The following MEIS2 variants were observed in gnomAD, a reference collection of about 807,000 sequenced individuals.
The protein encoded by MEIS2 is homeobox protein Meis2.
In MEIS2, 9 loss-of-function variants were observed where a neutral mutation model predicts 58.6. The observed-to-expected ratio is 0.15, with a 90% CI of 0.09 to 0.27. MEIS2 has a LOEUF of 0.27. Among genes scored for constraint, MEIS2 ranks in the 10% least tolerant of loss-of-function variants. The pLI, the probability that MEIS2 is intolerant of heterozygous loss-of-function variation, is 1.00. For synonymous variants in MEIS2, 221 were observed against 228.4 expected (o/e 0.97, Z 0.29); for missense variants, 427 against 635.0 (o/e 0.67, Z 3.52).
chr15:37,090,685 A>C (rs1438464677), intron 6 of MEIS2, among the ~76,000 whole-genome samples: 1 of 152,078 alleles, frequency 6.6e-6, no homozygotes, highest in African/African-American at 2.4e-5. Flanking sequence ...GTATGCACAC[A>C]CACACACAAT....
At chr15:36,892,528 A>T in intron 11 of MEIS2, 69 bp from the exon 12 acceptor site, 24 of 970,092 alleles carry the variant, frequency 2.5e-5, no homozygotes, top group Non-Finnish European at 3.2e-5. Flanking sequence ...CCCATCAAAG[A>T]TGAAAAGAAA....
At position 37,083,783 on chromosome 15, in the gene MEIS2, T is replaced by C. The variant is rs376747133; in HGVS notation, c.742A>G (p.Ser248Gly). The change falls in exon 7 of 12, where the codon AGC becomes GGC. Residue 248 changes from serine to glycine, a missense_variant. Transcript: ENST00000561208. ...GGHASQSGDN[S>G]SEQGDGLDNS... is the part of the protein sequence containing the mutation. ...TTTGACCTTTTACCTTGCTCACTGC[T>C]GTTGTCTCCGCTCTGGGAAGCATGG... 8.1e-6 allele frequency: 13 copies of C among 1,613,756 alleles called. No homozygotes were observed. The African/African-American group carries it at 1.6e-4, about 20-fold the overall frequency.
At chr15:36,930,009 C>G (rs986678259) in intron 9 of MEIS2, among the ~76,000 whole-genome samples, 1 of 151,830 alleles carries the variant, frequency 6.6e-6, no homozygotes, top group Non-Finnish European at 1.5e-5. Context: ...TCGAGACCAG[C>G]CTGGCCAACA....
At chr15:36,946,414 G>T (rs186197195) in intron 9 of MEIS2, among the ~76,000 whole-genome samples, 186 of 110,394 alleles carry the variant, frequency 1.7e-3, no homozygotes, top group Admixed American at 7.4e-3. Context: ...TGCCATCAAA[G>T]AACTGTAGAA....
intron 9 of MEIS2, among the ~76,000 whole-genome samples, chr15:36,921,216 T>C (rs1388520438): frequency 6.6e-6 from 1 of 152,126 alleles, no homozygotes; most frequent in Non-Finnish European, 1.5e-5. Flanking sequence ...GTGATGCCTG[T>C]GAAATATGTA....
chr15:37,041,042 T>C (rs2062401302), intron 7 of MEIS2, among the ~76,000 whole-genome samples: 1 of 152,206 alleles, frequency 6.6e-6, no homozygotes, highest in Admixed American at 6.5e-5. Flanking sequence ...TGAATGAGGT[T>C]AGCAGCCACA....
chr15:37,016,196 A>G (rs2061344858), intron 8 of MEIS2, among the ~76,000 whole-genome samples: 1 of 152,206 alleles, frequency 6.6e-6, no homozygotes, highest in African/African-American at 2.4e-5. Context: ...TAGCAGCCTC[A>G]TGTTCAGTTT....
chr15:37,025,801 A>T (rs769340279), intron 8 of MEIS2, among the ~76,000 whole-genome samples: 17 of 152,142 alleles, frequency 1.1e-4, no homozygotes, highest in Non-Finnish European at 2.2e-4. Context: ...CAGACTGACA[A>T]CAAAGGTCAT....
At chr15:36,952,220 T>G (rs916020802) in intron 8 of MEIS2, among the ~76,000 whole-genome samples, 1 of 152,090 alleles carries the variant, frequency 6.6e-6, no homozygotes, top group Non-Finnish European at 1.5e-5. Context: ...CAAATTTTAA[T>G]GGACTGAAAA....
At chr15:36,929,427 C>T (rs994304614) in intron 9 of MEIS2, among the ~76,000 whole-genome samples, 1 of 152,156 alleles carries the variant, frequency 6.6e-6, no homozygotes, top group Non-Finnish European at 1.5e-5. Flanking sequence ...ATTTTCTCCC[C>T]CAACTGTATG....
intron 8 of MEIS2, among the ~76,000 whole-genome samples, chr15:36,984,567 T>A (rs1453184727): frequency 6.6e-6 from 1 of 152,138 alleles, no homozygotes; most frequent in East Asian, 1.9e-4. Flanking sequence ...TGCAATTTCC[T>A]TGTCTGGCTT....
At chr15:36,933,424 T>C (rs778613234) in intron 9 of MEIS2, among the ~76,000 whole-genome samples, 5 of 152,134 alleles carry the variant, frequency 3.3e-5, no homozygotes, top group Non-Finnish European at 7.4e-5. Context: ...ATCTACATCA[T>C]GGAATTTTAA....
chr15:37,009,458 T>G (rs990577117), intron 8 of MEIS2, among the ~76,000 whole-genome samples: 1 of 152,216 alleles, frequency 6.6e-6, no homozygotes, highest in Non-Finnish European at 1.5e-5. Flanking sequence ...ATTTGTCCTG[T>G]TAAGCTGAAG....
intron 8 of MEIS2, among the ~76,000 whole-genome samples, chr15:36,996,047 A>ATGTG (rs1567160408): frequency 0.042 from 4,028 of 96,492 alleles, 162 homozygotes; most frequent in Admixed American, 0.14. Context: ...ACACACACAC[A>ATGTG]TATATATATA....
At chr15:36,960,848 A>T (rs963737065) in intron 8 of MEIS2, among the ~76,000 whole-genome samples, 2 of 152,180 alleles carry the variant, frequency 1.3e-5, no homozygotes, top group Non-Finnish European at 2.9e-5. Flanking sequence ...GTAAAACAAG[A>T]TATCACCCAA....
chr15:36,977,133 C>T (rs887124807), intron 8 of MEIS2, among the ~76,000 whole-genome samples: 3 of 151,046 alleles, frequency 2.0e-5, no homozygotes, highest in Non-Finnish European at 3.0e-5. Flanking sequence ...TCTCAAAAAA[C>T]AAAACAAAAC....
chr15:37,084,005 A>C, intron 6 of MEIS2, 120 bp from the exon 7 acceptor site: 1 of 739,636 alleles, frequency 1.4e-6, no homozygotes, highest in Non-Finnish European at 2.3e-6. Context: ...TTGTGGCAGT[A>C]GGCATATACG....
chr15:36,934,107 G>T (rs1005511281), intron 9 of MEIS2, among the ~76,000 whole-genome samples: 5 of 152,122 alleles, frequency 3.3e-5, no homozygotes, highest in African/African-American at 1.2e-4. Context: ...AATACAATGC[G>T]TAAGTAGATT....
At chr15:36,975,632 T>A (rs2059720137) in intron 8 of MEIS2, among the ~76,000 whole-genome samples, 1 of 152,126 alleles carries the variant, frequency 6.6e-6, no homozygotes, top group Non-Finnish European at 1.5e-5. Context: ...GCTGGGAATC[T>A]AACGAGGTTT....
Sources: gnomAD v4.1 joint callset for allele counts (sites outside exome capture counted in the v4.1 genomes callset) on GRCh38, gnomAD v4.1.1 for gene constraint, MANE v1.5 for transcripts, NCBI Gene and HGNC (gene_info 2026-07-23, HGNC 2026-07-21) for gene names.